Variants in RSBN1L observed in about 807,000 individuals in gnomAD.
RSBN1L encodes round spermatid basic protein 1 like.
Under a neutral mutation model 67.7 loss-of-function variants are expected in RSBN1L, and 30 were observed. The ratio of observed to expected loss-of-function variants is 0.44; its 90% CI spans 0.33 to 0.60. The LOEUF (loss-of-function observed/expected upper bound fraction) is 0.60. RSBN1L is among the 20% of genes least tolerant of loss of function. RSBN1L has a pLI of 0.02. For synonymous variants in RSBN1L, 433 were observed against 387.0 expected, an observed-to-expected ratio of 1.12 and a Z score of -1.39; for missense variants, 992 against 1,031.7, an observed-to-expected ratio of 0.96 and a Z score of 0.53.
chr7:77,711,047 GC>G (rs1790967384), intron 1 of RSBN1L, among the ~76,000 whole-genome samples: 1 of 151,956 alleles, frequency 6.6e-6, no homozygotes, highest in African/African-American at 2.4e-5. Context: ...AGCCCTTTTT[GC>G]CTGCTCAGAA....
chr7:77,719,309 T>C (rs1359165818), intron 1 of RSBN1L, among the ~76,000 whole-genome samples: 4 of 152,228 alleles, frequency 2.6e-5, no homozygotes, highest in Non-Finnish European at 5.9e-5. Context: ...TGAAAAAGTG[T>C]AACTAAGAGT....
intron 1 of RSBN1L, among the ~76,000 whole-genome samples, chr7:77,721,887 CTG>C (rs1791124808): frequency 1.3e-5 from 2 of 152,018 alleles, no homozygotes; most frequent in Non-Finnish European, 2.9e-5. Flanking sequence ...TTTTTGGTCA[CTG>C]TGCTTACTTG....
At position 77,779,645 on chromosome 7, in the gene RSBN1L, A is replaced by G. The variant is rs1224218496; in HGVS notation, c.*477A>G. 6.6e-6 allele frequency: 1 copy of G among 152,048 alleles called. No homozygotes were observed. Among genetic ancestry groups the G allele is most frequent in the Non-Finnish European group, 1.5e-5 (1 of 67,890 alleles). 9.4% of individuals were successfully genotyped at this position (152,048 alleles called of 1,614,324 possible). ...TGTGAGCCACTTAATAAAGGTTCAT[A>G]TGTTCATATTAATAAATATGTTTTC... On this transcript the variant is annotated 3_prime_UTR_variant, in exon 8 of 8. Coordinates refer to ENST00000334955, the MANE Select transcript of RSBN1L (RefSeq NM_198467.3).
chr7:77,717,578 T>A (rs1303948679), intron 1 of RSBN1L, among the ~76,000 whole-genome samples: 1 of 152,164 alleles, frequency 6.6e-6, no homozygotes, highest in East Asian at 1.9e-4. Context: ...GGCAAAGTGT[T>A]AAGAAAAATG....
intron 1 of RSBN1L, among the ~76,000 whole-genome samples, chr7:77,734,722 C>T (rs753937421): frequency 7.9e-5 from 12 of 152,082 alleles, no homozygotes; most frequent in Non-Finnish European, 1.6e-4. Context: ...CTCCTGACCT[C>T]GGGTGATCCG....
At position 77,696,544 on chromosome 7, in the gene RSBN1L, G is replaced by A; in HGVS notation, c.75G>A (p.Pro25=). 6.2e-7 allele frequency: 1 copy of A among 1,614,046 alleles called. No individual in the cohort carries two copies. The highest frequency in any genetic ancestry group is 8.5e-7 in the Non-Finnish European group (1 of 1,180,012). The change falls in exon 1 of 8, where the codon CCG becomes CCA. Residue 25 remains proline (P), a synonymous_variant. Coordinates refer to ENST00000334955, the MANE Select transcript of RSBN1L (RefSeq NM_198467.3). Reference sequence around the variant, plus strand: ...CCGCCACCGTCTCGGAGAAAGAACCGTTTGGCAAGCTGCAACTCTCCTCCC... The same window carrying A: ...CCGCCACCGTCTCGGAGAAAGAACCATTTGGCAAGCTGCAACTCTCCTCCC... ...APTATVSEKE[P]FGKLQLSSRD...
At chr7:77,766,359 A>AT (rs1791766517) in intron 4 of RSBN1L, among the ~76,000 whole-genome samples, 1 of 151,958 alleles carries the variant, frequency 6.6e-6, no homozygotes, top group Admixed American at 6.6e-5. Flanking sequence ...TAACTTTTGT[A>AT]TTTTTTGTGG....
At chr7:77,764,805 G>A (rs926522075) in intron 3 of RSBN1L, among the ~76,000 whole-genome samples, 1 of 151,896 alleles carries the variant, frequency 6.6e-6, no homozygotes, top group African/African-American at 2.4e-5. Context: ...TGATTTTTTT[G>A]TATTATTAGT....
At chr7:77,699,540 T>G (rs1790785788) in intron 1 of RSBN1L, among the ~76,000 whole-genome samples, 1 of 152,208 alleles carries the variant, frequency 6.6e-6, no homozygotes, top group African/African-American at 2.4e-5. Flanking sequence ...TAGTTATTAA[T>G]TTTTTAACCC....
At chr7:77,726,326 G>A (rs550755945) in intron 1 of RSBN1L, among the ~76,000 whole-genome samples, 4 of 152,090 alleles carry the variant, frequency 2.6e-5, no homozygotes, top group East Asian at 1.9e-4. Context: ...ATCATGTCTC[G>A]TTAGATTCCT....
At chr7:77,699,721 T>C (rs1790789261) in intron 1 of RSBN1L, among the ~76,000 whole-genome samples, 1 of 152,160 alleles carries the variant, frequency 6.6e-6, no homozygotes. Flanking sequence ...GTACTGTAGC[T>C]GACTTGCGTG....
At chr7:77,720,592 T>C (rs1791102426) in intron 1 of RSBN1L, among the ~76,000 whole-genome samples, 1 of 152,058 alleles carries the variant, frequency 6.6e-6, no homozygotes, top group Non-Finnish European at 1.5e-5. Context: ...TGTTATTATC[T>C]ATACAGATGA....
At chr7:77,722,353 C>T (rs1791130706) in intron 1 of RSBN1L, among the ~76,000 whole-genome samples, 1 of 151,838 alleles carries the variant, frequency 6.6e-6, no homozygotes, top group Non-Finnish European at 1.5e-5. Context: ...GGTAAATGTG[C>T]AGGTTTGGAT....
At chr7:77,720,782 T>C (rs1293420467) in intron 1 of RSBN1L, among the ~76,000 whole-genome samples, 1 of 147,244 alleles carries the variant, frequency 6.8e-6, no homozygotes. Flanking sequence ...TTTTTTTTTT[T>C]TGAGACAGAG....
At chr7:77,715,747 C>T (rs970028490) in intron 1 of RSBN1L, among the ~76,000 whole-genome samples, 3 of 152,146 alleles carry the variant, frequency 2.0e-5, no homozygotes, top group Non-Finnish European at 2.9e-5. Context: ...TCAGACCTCC[C>T]CTCAAGAAAG....
At chr7:77,699,945 C>T (rs141660930) in intron 1 of RSBN1L, among the ~76,000 whole-genome samples, 445 of 152,122 alleles carry the variant, frequency 2.9e-3, no homozygotes, top group African/African-American at 9.9e-3. Context: ...TATAGGCACT[C>T]GCCAACACGC....
chr7:77,751,045 G>C (rs1791550155), intron 3 of RSBN1L, among the ~76,000 whole-genome samples: 1 of 152,144 alleles, frequency 6.6e-6, no homozygotes. Flanking sequence ...CACTTTAAAT[G>C]GTAGTCTGGA....
intron 5 of RSBN1L, 78 bp downstream of exon 5, chr7:77,768,881 G>T: frequency 7.8e-7 from 1 of 1,284,338 alleles, no homozygotes; most frequent in South Asian, 1.4e-5. Flanking sequence ...AAAATTGGAG[G>T]AAGGAGGAAT....
At chr7:77,723,320 A>G (rs1791147596) in intron 1 of RSBN1L, among the ~76,000 whole-genome samples, 1 of 152,146 alleles carries the variant, frequency 6.6e-6, no homozygotes, top group Non-Finnish European at 1.5e-5. Flanking sequence ...ATTTCTTAAA[A>G]AAATTAATGA....
Sources: gnomAD v4.1 joint callset for allele counts (sites outside exome capture counted in the v4.1 genomes callset) on GRCh38, gnomAD v4.1.1 for gene constraint, MANE v1.5 for transcripts, NCBI Gene and HGNC (gene_info 2026-07-23, HGNC 2026-07-21) for gene names.